Variants in ASTN2 observed in about 807,000 individuals in gnomAD.
ASTN2 encodes the protein astrotactin-2.
ASTN2 carries 54 observed loss-of-function variants against 139.8 expected under a neutral mutation model. That is an observed-to-expected ratio of 0.39 (90% CI 0.31 to 0.48). The LOEUF is 0.48. Among genes scored for constraint, ASTN2 ranks in the 20% least tolerant of loss-of-function variants. The probability of loss-of-function intolerance (pLI) is 0.95; values close to 1 mark genes in which losing one functional copy is unlikely to be tolerated. For missense variants in ASTN2, 1,565 were observed against 1,725.1 expected (o/e 0.91, Z 1.64); for synonymous variants, 756 against 719.5 (o/e 1.05, Z -0.81).
Position 116,423,558 on chromosome 9 carries a change from C to A in ASTN2, c.*2293G>T, listed in dbSNP as rs1376121756. The stretch of plus-strand genomic sequence containing the variant: ...CTCTCTGAAAACTTGGGACCCAGGC[C>A]CAGCAAACTGATAGCTCTCTGAAGG... On this transcript the variant is annotated 3_prime_UTR_variant, in exon 23 of 23. Coordinates refer to ENST00000313400, the MANE Select transcript of ASTN2 (RefSeq NM_001365068.1). Among the ~76,000 whole-genome samples, 1 of 152,116 alleles carries A rather than the reference C, an allele frequency of 6.6e-6. No individual in the cohort carries two copies. The highest frequency in any genetic ancestry group is 2.1e-4 in the South Asian group (1 of 4,826).
chr9:116,964,251 G>GTGTA (rs1274579774), intron 10 of ASTN2, among the ~76,000 whole-genome samples: 1 of 138,876 alleles, frequency 7.2e-6, no homozygotes, highest in Admixed American at 7.3e-5. Flanking sequence ...GTGTGTGTGT[G>GTGTA]TGTGTGCGCG....
At chr9:116,490,906 T>A (rs1187263722) in intron 19 of ASTN2, among the ~76,000 whole-genome samples, 1 of 152,198 alleles carries the variant, frequency 6.6e-6, no homozygotes, top group Non-Finnish European at 1.5e-5. Context: ...CTGTGTTAAT[T>A]ACCTGTCTTG....
intron 1 of ASTN2, among the ~76,000 whole-genome samples, chr9:117,326,135 T>A (rs1321528820): frequency 6.6e-6 from 1 of 151,998 alleles, no homozygotes; most frequent in East Asian, 1.9e-4. Flanking sequence ...TGTGTGAAAA[T>A]TCTCATTTTT....
At chr9:116,570,911 C>CACATGTT (rs1443681975) in intron 19 of ASTN2, among the ~76,000 whole-genome samples, 3 of 152,184 alleles carry the variant, frequency 2.0e-5, no homozygotes, top group Non-Finnish European at 2.9e-5. Context: ...TAGGATCACT[C>CACATGTT]ACATGTTCTC....
intron 1 of ASTN2, among the ~76,000 whole-genome samples, chr9:117,411,967 A>C (rs866789329): frequency 1.3e-4 from 19 of 149,302 alleles, no homozygotes; most frequent in African/African-American, 1.7e-4. Flanking sequence ...TCATAGTATC[A>C]GCCCCAACCC....
chr9:116,718,966 G>GTATATATATATATATATATATATATA (rs1219672903), intron 16 of ASTN2, among the ~76,000 whole-genome samples: 12 of 31,812 alleles, frequency 3.8e-4, no homozygotes, highest in African/African-American at 1.5e-3. Flanking sequence ...ATCTATACCT[G>GTATATATATATATATATATATATATA]TATCTGTACA....
chr9:116,533,292 C>T (rs1157755592), intron 19 of ASTN2, among the ~76,000 whole-genome samples: 1 of 152,170 alleles, frequency 6.6e-6, no homozygotes, highest in Non-Finnish European at 1.5e-5. Context: ...AATATACAAT[C>T]ATGTCATCTG....
chr9:117,150,290 A>C (rs1037537146), intron 3 of ASTN2, among the ~76,000 whole-genome samples: 3 of 152,170 alleles, frequency 2.0e-5, no homozygotes, highest in Non-Finnish European at 4.4e-5. Flanking sequence ...ATACAATTGC[A>C]TTCTTCAGTA....
At chr9:116,949,734 G>A (rs1465147552) in intron 10 of ASTN2, among the ~76,000 whole-genome samples, 5 of 152,216 alleles carry the variant, frequency 3.3e-5, no homozygotes, top group African/African-American at 1.2e-4. Flanking sequence ...CTAAGGGCTG[G>A]TTCCAGGGGT....
Position 116,684,227 on chromosome 9 carries a change from C to T in ASTN2, c.2807-32434G>A, listed in dbSNP as rs768653742. Among the ~76,000 whole-genome samples, 43 of 152,150 alleles carry T rather than the reference C, an allele frequency of 2.8e-4. 1 individual carries two copies. Among genetic ancestry groups the T allele is most frequent in the Non-Finnish European group, 4.4e-4 (30 of 68,020 alleles). ...TCAAAGCTAATTTAAACAAAAAAGA[C>T]CCTAAGTGAAAAATAATTATTCTTG... On this transcript the variant is annotated intron_variant, in intron 16 of 22. Coordinates refer to ENST00000313400, the MANE Select transcript of ASTN2 (RefSeq NM_001365068.1).
intron 4 of ASTN2, among the ~76,000 whole-genome samples, chr9:117,137,068 C>T (rs566859615): frequency 6.6e-6 from 1 of 152,330 alleles, no homozygotes; most frequent in Non-Finnish European, 1.5e-5. Flanking sequence ...TTGAATGCCA[C>T]TGTCCTTTAT....
rs573976205 is a variant in ASTN2, at chr9:116,922,049, T to C, written c.1889+53159A>G. ...CTCCTACTTCTCTATTCACATCTCC[T>C]TCCTCTCTCACAGAAGTTCCTCTGC... On this transcript the variant is annotated intron_variant, in intron 10 of 22. Coordinates refer to ENST00000313400, the MANE Select transcript of ASTN2 (RefSeq NM_001365068.1). Among the ~76,000 whole-genome samples, 7 of 152,300 alleles carry C rather than the reference T, an allele frequency of 4.6e-5. No individual in the cohort carries two copies. In the South Asian group the frequency reaches 1.4e-3, roughly 32 times the overall value.
intron 2 of ASTN2, among the ~76,000 whole-genome samples, chr9:117,237,611 C>G (rs2133067561): frequency 6.6e-6 from 1 of 152,262 alleles, no homozygotes; most frequent in East Asian, 1.9e-4. Flanking sequence ...TCCCGAGTAG[C>G]TGGGACTACA....
At chr9:117,198,894 T>C (rs1179189848) in intron 3 of ASTN2, among the ~76,000 whole-genome samples, 5 of 152,192 alleles carry the variant, frequency 3.3e-5, no homozygotes, top group Non-Finnish European at 7.3e-5. Flanking sequence ...ATCAGTGATG[T>C]TGGGCTGTTT....
At chr9:117,062,377 T>C (rs1839319691) in intron 5 of ASTN2, among the ~76,000 whole-genome samples, 2 of 152,172 alleles carry the variant, frequency 1.3e-5, no homozygotes, top group South Asian at 4.2e-4. Context: ...CCCTTAACCT[T>C]ATTGAGCAAG....
intron 22 of ASTN2, among the ~76,000 whole-genome samples, chr9:116,439,196 T>C (rs890791670): frequency 0.05 from 1,794 of 35,754 alleles, 91 homozygotes; most frequent in African/African-American, 0.19. Context: ...TCAAATACAT[T>C]TTTTTTTTTT....
intron 10 of ASTN2, among the ~76,000 whole-genome samples, chr9:116,890,692 G>A (rs537054690): frequency 6.4e-4 from 97 of 152,210 alleles, no homozygotes; most frequent in African/African-American, 2.1e-3. Flanking sequence ...TGATAAGGTC[G>A]ACAAGGTAAC....
chr9:116,652,896 G>A (rs1287643883), intron 16 of ASTN2, among the ~76,000 whole-genome samples: 1 of 152,018 alleles, frequency 6.6e-6, no homozygotes, highest in South Asian at 2.1e-4. Context: ...CTGTGCCTTT[G>A]CTCACTCTGT....
chr9:117,133,287 C>T (rs1389594680), intron 4 of ASTN2, among the ~76,000 whole-genome samples: 1 of 152,160 alleles, frequency 6.6e-6, no homozygotes, highest in Non-Finnish European at 1.5e-5. Context: ...ACTAATTCTC[C>T]CAGCCTCCCT....
Sources: allele counts gnomAD v4.1 joint callset (sites outside exome capture counted in the v4.1 genomes callset), GRCh38; gene constraint gnomAD v4.1.1; transcripts MANE v1.5; gene names NCBI Gene and HGNC (gene_info 2026-07-23, HGNC 2026-07-21).